The following SLC6A7 variants were observed in gnomAD, a reference collection of about 807,000 sequenced individuals.
The protein encoded by SLC6A7 is sodium-dependent proline transporter.
Under a neutral mutation model 73.1 loss-of-function variants are expected in SLC6A7, and 58 were observed. That is an observed-to-expected ratio of 0.79 (90% confidence interval 0.64 to 0.99). The LOEUF (loss-of-function observed/expected upper bound fraction) is 0.99, where lower values mean the gene tolerates loss of function less well. Ranked by LOEUF, SLC6A7 falls within the 50% of genes least tolerant of loss-of-function variation. The pLI, the probability that SLC6A7 is intolerant of heterozygous loss-of-function variation, is 0.00. For synonymous variants in SLC6A7, 338 were observed against 338.7 expected, an observed-to-expected ratio of 1.00 and a Z score of 0.02; for missense variants, 783 against 831.4, an observed-to-expected ratio of 0.94 and a Z score of 0.72.
At chr5:150,195,645 C>G (rs960207777) in intron 2 of SLC6A7, among the ~76,000 whole-genome samples, 8 of 152,250 alleles carry the variant, frequency 5.3e-5, no homozygotes, top group Non-Finnish European at 1.2e-4. Context: ...CCAGGACTAT[C>G]TCCTCCCTAG....
intron 13 of SLC6A7, among the ~76,000 whole-genome samples, chr5:150,206,794 G>A (rs1753723370): frequency 6.6e-6 from 1 of 152,210 alleles, no homozygotes; most frequent in Non-Finnish European, 1.5e-5. Context: ...GGAAGAGAGG[G>A]GAGTTGCTTA....
Position 150,209,807 on chromosome 5 carries a change from A to G in SLC6A7, c.*192A>G. The G allele has an allele frequency of 1.6e-6, 1 of 609,206 alleles. No individual in the cohort carries two copies. Among genetic ancestry groups the G allele is most frequent in the Non-Finnish European group, 3.0e-6 (1 of 337,886 alleles). 37.7% of individuals were successfully genotyped at this position (609,206 alleles called of 1,614,324 possible). On this transcript the variant is annotated 3_prime_UTR_variant, in exon 14 of 14. Transcript: ENST00000230671. ...TGAAACCTCTGACAACCCCCTACAC[A>G]CACACACAGGCATACTCAGACCCAC... is the stretch of plus-strand genomic sequence containing the variant.
In SLC6A7 at chr5:150,203,799, G is replaced by C; in HGVS notation, c.1200+20G>C. On this transcript the variant is annotated intron_variant, in intron 9 of 13. Transcript: ENST00000230671. ...AGCCAGGTGAGTCTCGTCTGTGGCA[G>C]CAGGCACCCCGTGTGTGTGTGGTGT... 6.5e-7 allele frequency: 1 copy of C among 1,536,204 alleles called. No individual in the cohort carries two copies. Among genetic ancestry groups the C allele is most frequent in the South Asian group, 1.1e-5 (1 of 89,452 alleles).
chr5:150,203,584 G>A (rs983908888), intron 8 of SLC6A7, 83 bp from the exon 9 acceptor site: 9 of 727,162 alleles, frequency 1.2e-5, no homozygotes, highest in Non-Finnish European at 2.2e-5. Flanking sequence ...CCAAATGAGT[G>A]TAAGTGGCCG....
chr5:150,205,396 T>G, intron 12 of SLC6A7, 60 bp from the exon 13 acceptor site: 2 of 1,306,964 alleles, frequency 1.5e-6, no homozygotes, highest in East Asian at 5.2e-5. Context: ...CTGGGCTACC[T>G]CGGGCCTTAA....
In SLC6A7 at chr5:150,199,347, G is replaced by A; in HGVS notation, c.704G>A (p.Gly235Asp). The change falls in exon 5 of 14, where the codon GGT becomes GAT. Residue 235 changes from glycine (G) to aspartate (D), a missense_variant. Coordinates refer to ENST00000230671, the MANE Select transcript of SLC6A7 (RefSeq NM_014228.5). ...WVIVFLCILK[G>D]VKSSGKVVYF... ...ATCGTGTTCCTCTGTATCCTCAAGG[G>A]TGTGAAGTCTTCGGGCAAGGTGAAG... 6.2e-7 allele frequency: 1 copy of A among 1,613,806 alleles called. No homozygotes were observed. Among genetic ancestry groups the A allele is most frequent in the Non-Finnish European group, 8.5e-7 (1 of 1,179,846 alleles).
In SLC6A7 at chr5:150,210,351, C is replaced by G. The variant is rs1163189382; in HGVS notation, c.*736C>G. The G allele has an allele frequency of 6.5e-6, 1 of 152,954 alleles. No homozygotes were observed. Among genetic ancestry groups the G allele is most frequent in the African/African-American group, 2.4e-5 (1 of 41,324 alleles). The allele number at this position is 152,954 out of a possible 1,614,324, so 9.5% of individuals were successfully genotyped here. ...AGTTTTACCAGGTTACAGGAGGGTTCAAGACAGAAGGAAAACTAACAGAGG... is the reference window on the plus strand; with the variant it reads ...AGTTTTACCAGGTTACAGGAGGGTTGAAGACAGAAGGAAAACTAACAGAGG... On this transcript the variant is annotated 3_prime_UTR_variant, in exon 14 of 14. Coordinates refer to ENST00000230671, the MANE Select transcript of SLC6A7 (RefSeq NM_014228.5).
At chr5:150,193,364 C>T (rs1485227278) in intron 1 of SLC6A7, among the ~76,000 whole-genome samples, 1 of 152,214 alleles carries the variant, frequency 6.6e-6, no homozygotes, top group African/African-American at 2.4e-5. Context: ...TCTCCAGGGA[C>T]AGCAAGATTA....
intron 4 of SLC6A7, among the ~76,000 whole-genome samples, chr5:150,198,070 A>G (rs531974179): frequency 4.3e-5 from 4 of 92,072 alleles, no homozygotes; most frequent in South Asian, 3.4e-4. Flanking sequence ...AAAGAAAGAA[A>G]GAAAGAAAGA....
chr5:150,208,079 TG>T (rs10717026), intron 13 of SLC6A7, among the ~76,000 whole-genome samples: 55,489 of 151,352 alleles, frequency 0.37, 11,984 homozygotes, highest in Non-Finnish European at 0.5. Context: ...GTTAAGAAAC[TG>T]GTCTGAGCAC....
Position 150,196,851 on chromosome 5 carries a change from A to G in SLC6A7, c.349+4A>G. On this transcript the variant is annotated splice_donor_region_variant and intron_variant, in intron 3 of 13. Coordinates refer to ENST00000230671, the MANE Select transcript of SLC6A7 (RefSeq NM_014228.5). Reference sequence around the variant, plus strand: ...AAAATCAGCCCTCTCTTCAAAGGTGAGGCCTCAGTGGTCCCCAGGGAGGGA... The same window carrying G: ...AAAATCAGCCCTCTCTTCAAAGGTGGGGCCTCAGTGGTCCCCAGGGAGGGA... 6.2e-7 allele frequency: 1 copy of G among 1,613,498 alleles called. No individual in the cohort carries two copies. Among genetic ancestry groups the G allele is most frequent in the Non-Finnish European group, 8.5e-7 (1 of 1,179,662 alleles).
Position 150,210,315 on chromosome 5 carries a change from T to C in SLC6A7, c.*700T>C, listed in dbSNP as rs1753913513. Reference sequence around the variant, plus strand: ...GCTGCCTGGGCAGAGACCAAGAGGGTTGGAGACACTAGTTTTACCAGGTTA... The same window carrying C: ...GCTGCCTGGGCAGAGACCAAGAGGGCTGGAGACACTAGTTTTACCAGGTTA... On this transcript the variant is annotated 3_prime_UTR_variant, in exon 14 of 14. Coordinates refer to ENST00000230671, the MANE Select transcript of SLC6A7 (RefSeq NM_014228.5). The C allele has an allele frequency of 6.5e-6, 1 of 153,392 alleles. No homozygotes were observed. Among genetic ancestry groups the C allele is most frequent in the African/African-American group, 2.4e-5 (1 of 41,268 alleles). 9.5% of individuals were successfully genotyped at this position (153,392 alleles called of 1,614,324 possible). A position where few individuals can be genotyped will look rare whatever the true frequency, so the allele number is the denominator to read the frequency against.
rs1216524890 is a variant in SLC6A7, at chr5:150,199,929, C to T, written c.723+563C>T. Among the ~76,000 whole-genome samples, 2 of 152,274 alleles carry T rather than the reference C, an allele frequency of 1.3e-5. 1 individual carries two copies. The highest frequency in any genetic ancestry group is 6.8e-3 in the Middle Eastern group (2 of 294). On this transcript the variant is annotated intron_variant, in intron 5 of 13. Transcript: ENST00000230671. ...AAGCTTGGTAAAGGGTTGTCTTTCC[C>T]CAGTTTGCAACTATTTTAGAATTGA... is the stretch of plus-strand genomic sequence containing the variant.
Position 150,202,470 on chromosome 5 carries a change from C to G in SLC6A7, c.962+20C>G. ...CTATAGGTCAGTGTCCCACAGCCTC[C>G]CAGACCCTGGGGTCCAAAGCAGGGA... On this transcript the variant is annotated intron_variant, in intron 7 of 13. Transcript: ENST00000230671. The G allele has an allele frequency of 6.2e-7, 1 of 1,612,176 alleles. No individual in the cohort carries two copies. Among genetic ancestry groups the G allele is most frequent in the Non-Finnish European group, 8.5e-7 (1 of 1,178,258 alleles).
At chr5:150,198,462 A>G (rs760410848) in intron 4 of SLC6A7, among the ~76,000 whole-genome samples, 8 of 152,210 alleles carry the variant, frequency 5.3e-5, no homozygotes, top group Non-Finnish European at 7.3e-5. Flanking sequence ...AGTTTATCTG[A>G]CCAGTGGGAA....
chr5:150,205,718 T>C lies in SLC6A7; in HGVS notation c.1701+95T>C, dbSNP rs1753666410. The C allele has an allele frequency of 3.6e-6, 4 of 1,108,246 alleles. No individual in the cohort carries two copies. In the Admixed American group the frequency reaches 9.2e-5, roughly 26 times the overall value. 68.7% of individuals were successfully genotyped at this position (1,108,246 alleles called of 1,614,324 possible). On this transcript the variant is annotated intron_variant, in intron 13 of 13. Transcript: ENST00000230671. The stretch of plus-strand genomic sequence containing the variant: ...AACAGAAAACATATGCACCCACCCC[T>C]TATCCAGCTTCTTTTAGCCTGAGGA...
At position 150,205,457 on chromosome 5, in the gene SLC6A7, C is replaced by A; in HGVS notation, c.1535C>A (p.Ala512Asp). ...ATGCTGGGAGTCCCCACTCTGCAGG[C>A]CCTCATGGTGTATAGCATCGTCAAG... ...WLFLSPATLLALMVYSIVKYQ... is the reference protein window; with the variant it reads ...WLFLSPATLLDLMVYSIVKYQ... The change falls in exon 13 of 14, where the codon GCC (alanine) becomes GAC (aspartate). Residue 512 changes from alanine to aspartate, a missense_variant and splice_region_variant. Transcript: ENST00000230671. 6.3e-7 allele frequency: 1 copy of A among 1,592,152 alleles called. No homozygotes were observed. The highest frequency in any genetic ancestry group is 8.6e-7 in the Non-Finnish European group (1 of 1,168,320).
chr5:150,196,256 A>G (rs1218502072), intron 2 of SLC6A7, among the ~76,000 whole-genome samples: 2 of 152,168 alleles, frequency 1.3e-5, no homozygotes, highest in African/African-American at 2.4e-5. Flanking sequence ...GCAGTTCTCT[A>G]AAGAAGTGAC....
At chr5:150,203,601 T>A in intron 8 of SLC6A7, 66 bp from the exon 9 acceptor site, 1 of 807,566 alleles carries the variant, frequency 1.2e-6, no homozygotes, top group Non-Finnish European at 2.2e-6. Flanking sequence ...GCCGTGTGTG[T>A]CTGAGTGTGC....
Sources: allele counts gnomAD v4.1 joint callset (sites outside exome capture counted in the v4.1 genomes callset), GRCh38; gene constraint gnomAD v4.1.1; transcripts MANE v1.5; gene names NCBI Gene and HGNC (gene_info 2026-07-23, HGNC 2026-07-21).